Variants in CCDC148 observed in about 807,000 individuals in gnomAD.
The protein encoded by CCDC148 is coiled-coil domain containing 148, also known as coiled-coil domain-containing protein 148.
A neutral mutation model predicts 85.7 loss-of-function variants in CCDC148; 89 were observed. The ratio of observed to expected loss-of-function variants is 1.04; its 90% CI spans 0.87 to 1.24. The LOEUF (loss-of-function observed/expected upper bound fraction) is 1.24. Ranked by LOEUF, CCDC148 falls within the 50% of genes most tolerant of loss-of-function variation. CCDC148 has a pLI of 0.00. For missense variants in CCDC148, 692 were observed against 671.7 expected, an observed-to-expected ratio of 1.03 and a Z score of -0.33; for synonymous variants, 230 against 213.9, an observed-to-expected ratio of 1.08 and a Z score of -0.66.
chr2:158,199,959 T>A (rs1558976006), intron 11 of CCDC148, among the ~76,000 whole-genome samples: 2 of 152,180 alleles, frequency 1.3e-5, no homozygotes, highest in Admixed American at 6.5e-5. Context: ...TGATTTTATA[T>A]CATGAGGCTT....
At chr2:158,249,394 A>G (rs138986027) in intron 10 of CCDC148, among the ~76,000 whole-genome samples, 219 of 152,300 alleles carry the variant, frequency 1.4e-3, no homozygotes, top group African/African-American at 4.7e-3. Flanking sequence ...GCTCACTTAC[A>G]TTATTTGAAA....
intron 2 of CCDC148, among the ~76,000 whole-genome samples, chr2:158,351,999 A>G (rs937909803): frequency 1.3e-4 from 19 of 140,840 alleles, no homozygotes; most frequent in Admixed American, 1.3e-3. Context: ...ATTCCAACAG[A>G]CCTGCAGCTG....
intron 7 of CCDC148, among the ~76,000 whole-genome samples, chr2:158,336,104 T>C (rs1409805510): frequency 1.3e-5 from 2 of 152,006 alleles, no homozygotes; most frequent in African/African-American, 4.8e-5. Flanking sequence ...ATGAACACAA[T>C]CTATGTGAGC....
intron 7 of CCDC148, among the ~76,000 whole-genome samples, 190 bp from the exon 8 acceptor site, chr2:158,314,084 G>A (rs1360021452): frequency 1.3e-5 from 2 of 152,156 alleles, no homozygotes; most frequent in Non-Finnish European, 2.9e-5. Flanking sequence ...GGTTCCTTCA[G>A]TTCTTTATTT....
At chr2:158,437,271 T>C (rs1018028070) in intron 1 of CCDC148, among the ~76,000 whole-genome samples, 62 of 152,304 alleles carry the variant, frequency 4.1e-4, no homozygotes, top group Admixed American at 2.7e-3. Context: ...TCAAAAAGCT[T>C]ATCCACCATG....
intron 3 of CCDC148, among the ~76,000 whole-genome samples, chr2:158,343,782 C>T (rs1682859167): frequency 6.6e-6 from 1 of 152,100 alleles, no homozygotes; most frequent in Non-Finnish European, 1.5e-5. Context: ...TTTAGTTGCA[C>T]CGAACACAAA....
intron 10 of CCDC148, among the ~76,000 whole-genome samples, chr2:158,242,874 G>A (rs1171975628): frequency 1.3e-5 from 2 of 152,062 alleles, no homozygotes; most frequent in African/African-American, 4.8e-5. Context: ...TACCATGGAT[G>A]TACCAGGGGA....
At chr2:158,393,091 A>T (rs1240394248) in intron 1 of CCDC148, 1 of 152,176 alleles carries the variant, frequency 6.6e-6, no homozygotes, top group Admixed American at 6.6e-5. Flanking sequence ...AAATCCTCTT[A>T]AAACCAGATA....
At chr2:158,223,066 A>G (rs928543405) in intron 10 of CCDC148, among the ~76,000 whole-genome samples, 11 of 152,156 alleles carry the variant, frequency 7.2e-5, no homozygotes, top group Non-Finnish European at 1.5e-4. Context: ...TGCCTTTCCT[A>G]GTCAAAGAAA....
At chr2:158,338,450 A>C (rs1219877274) in intron 7 of CCDC148, 4 of 228,592 alleles carry the variant, frequency 1.7e-5, no homozygotes, top group African/African-American at 9.1e-5. Context: ...CTGAAAATTC[A>C]TATTTGAAAA....
At chr2:158,316,551 T>G (rs1692291047) in intron 7 of CCDC148, among the ~76,000 whole-genome samples, 1 of 152,204 alleles carries the variant, frequency 6.6e-6, no homozygotes, top group Non-Finnish European at 1.5e-5. Context: ...TGCAAGTCAC[T>G]TTTTAGTACA....
chr2:158,246,073 G>T (rs369091739), intron 10 of CCDC148, among the ~76,000 whole-genome samples: 2 of 152,312 alleles, frequency 1.3e-5, no homozygotes, highest in East Asian at 3.9e-4. Context: ...CAGACAAATT[G>T]CTGGAAAGAA....
In CCDC148 at chr2:158,185,184, C is replaced by T. The variant is rs998192416; in HGVS notation, c.1371-6188G>A. On this transcript the variant is annotated intron_variant, in intron 11 of 13. Transcript: ENST00000283233. ...TCTTTCCCAGCCCCTATGGCCCTGA[C>T]ACACATGGATGACAGGTTCTCTCAG... Among the ~76,000 whole-genome samples, 3 of 152,152 alleles carry T rather than the reference C, an allele frequency of 2.0e-5. 1 individual carries two copies. Among genetic ancestry groups the T allele is most frequent in the Non-Finnish European group, 4.4e-5 (3 of 68,022 alleles).
intron 9 of CCDC148, among the ~76,000 whole-genome samples, chr2:158,253,649 A>G (rs917412662): frequency 8.6e-5 from 13 of 151,674 alleles, no homozygotes; most frequent in African/African-American, 3.1e-4. Flanking sequence ...CTTTTATTTA[A>G]TCCTTCAAAA....
chr2:158,419,490 C>T (rs1212031372), intron 1 of CCDC148, among the ~76,000 whole-genome samples: 6 of 152,132 alleles, frequency 3.9e-5, no homozygotes, highest in Non-Finnish European at 8.8e-5. Context: ...CTTCAGAGAT[C>T]CTGGCCTTGC....
chr2:158,326,614 T>C (rs951639056), intron 7 of CCDC148, among the ~76,000 whole-genome samples: 14 of 152,170 alleles, frequency 9.2e-5, no homozygotes, highest in Non-Finnish European at 1.6e-4. Flanking sequence ...CTTTATGCAT[T>C]AGGGATTTTA....
At chr2:158,429,034 G>C (rs910456487) in intron 1 of CCDC148, among the ~76,000 whole-genome samples, 32 of 152,076 alleles carry the variant, frequency 2.1e-4, no homozygotes, top group African/African-American at 7.7e-4. Flanking sequence ...ACTATCACAA[G>C]GACGGGAAAC....
chr2:158,456,264 G>T (rs3796107), intron 1 of CCDC148, 151 bp downstream of exon 1: 180,043 of 781,060 alleles, frequency 0.23, 23,928 homozygotes, highest in Non-Finnish European at 0.29. Context: ...GAGTCTTTCA[G>T]AAGAGTTATG....
intron 1 of CCDC148, among the ~76,000 whole-genome samples, chr2:158,408,066 T>A (rs984324498): frequency 2.6e-5 from 4 of 152,154 alleles, no homozygotes; most frequent in Non-Finnish European, 5.9e-5. Flanking sequence ...TTATATATGA[T>A]GAAGAAAATG....
Sources: allele counts gnomAD v4.1 joint callset (sites outside exome capture counted in the v4.1 genomes callset), GRCh38; gene constraint gnomAD v4.1.1; transcripts MANE v1.5; gene names NCBI Gene and HGNC (gene_info 2026-07-23, HGNC 2026-07-21).